ARID3B: variants seen among roughly 807,000 people sequenced by gnomAD.
ARID3B encodes the protein AT-rich interaction domain 3B, also known as AT-rich interactive domain-containing protein 3B.
ARID3B carries 10 observed loss-of-function variants against 51.9 expected under a neutral mutation model. The observed-to-expected ratio is 0.19, with a 90% CI of 0.12 to 0.33. The LOEUF (loss-of-function observed/expected upper bound fraction) is 0.33. Among genes scored for constraint, ARID3B ranks in the 10% least tolerant of loss-of-function variants. The pLI is 1.00. For missense variants in ARID3B, 483 were observed against 716.3 expected, an observed-to-expected ratio of 0.67 and a Z score of 3.72; for synonymous variants, 205 against 279.5, an observed-to-expected ratio of 0.73 and a Z score of 2.66.
chr15:74,585,361 G>A (rs2061776919), intron 4 of ARID3B, among the ~76,000 whole-genome samples: 2 of 152,318 alleles, frequency 1.3e-5, no homozygotes, highest in East Asian at 1.9e-4. Context: ...GCTCCCTCCC[G>A]CAAAGACTGG....
chr15:74,594,333 A>G (rs1315153932), intron 8 of ARID3B, among the ~76,000 whole-genome samples: 1 of 152,150 alleles, frequency 6.6e-6, no homozygotes, highest in Admixed American at 6.5e-5. Flanking sequence ...CTGTAGTCCC[A>G]GCTACTCGGG....
At chr15:74,590,375 G>A (rs1008220268) in intron 5 of ARID3B, among the ~76,000 whole-genome samples, 2 of 152,198 alleles carry the variant, frequency 1.3e-5, no homozygotes, top group Admixed American at 6.5e-5. Flanking sequence ...CTGTCTCTAA[G>A]ACCTGTGCCC....
chr15:74,572,220 A>G (rs1015407115), intron 2 of ARID3B, among the ~76,000 whole-genome samples: 2 of 152,244 alleles, frequency 1.3e-5, no homozygotes, highest in Non-Finnish European at 2.9e-5. Context: ...CAACCCAATC[A>G]ATTAAGTTGG....
At chr15:74,559,918 G>A (rs952422354) in intron 2 of ARID3B, among the ~76,000 whole-genome samples, 1 of 150,964 alleles carries the variant, frequency 6.6e-6, no homozygotes, top group Non-Finnish European at 1.5e-5. Flanking sequence ...TACAGGCTGG[G>A]TGCCGTGGCT....
chr15:74,543,549 A>C (rs1413420653), intron 1 of ARID3B, among the ~76,000 whole-genome samples: 1 of 152,168 alleles, frequency 6.6e-6, no homozygotes, highest in Non-Finnish European at 1.5e-5. Context: ...ATGTTTGATA[A>C]TGTAGAGGAA....
chr15:74,560,035 A>AAAAAAAAAAAAAAAAAAAAAAC (rs2061673825), intron 2 of ARID3B, among the ~76,000 whole-genome samples: 1 of 142,014 alleles, frequency 7.0e-6, no homozygotes, highest in African/African-American at 2.6e-5. Flanking sequence ...CTCTACTAAA[A>AAAAAAAAAAAAAAAAAAAAAAC]AAAAAACCAC....
intron 2 of ARID3B, among the ~76,000 whole-genome samples, chr15:74,559,980 G>C (rs2061673147): frequency 7.7e-6 from 1 of 129,322 alleles, no homozygotes; most frequent in Non-Finnish European, 1.6e-5. Context: ...GATCGCTTGA[G>C]CCCAGGAGTT....
chr15:74,591,407 A>G lies in ARID3B; in HGVS notation c.1138A>G (p.Ile380Val). 4 of 1,607,518 alleles carry G rather than the reference A, an allele frequency of 2.5e-6. No individual in the cohort carries two copies. The highest frequency in any genetic ancestry group is 3.4e-6 in the Non-Finnish European group (4 of 1,174,484). Residue 380 changes from isoleucine (I) to valine (V), a missense_variant, in exon 6 of 9, where the codon ATA (isoleucine) becomes GTA (valine). By Grantham distance (29) the Ile-to-Val change is conservative (BLOSUM62 3). Transcript: ENST00000346246. This position sits in a 1 kb window ranked among gnomAD's most constrained non-coding sequence, Gnocchi z 5.8. ...SSGTNTSSPRISPATTLRKGD... is the reference protein window; with the variant it reads ...SSGTNTSSPRVSPATTLRKGD... ...TGGTACCAATACCAGTAGCCCTCGG[A>G]TATCCCCAGCAACCACTCTCAGGAA... is the stretch of plus-strand genomic sequence containing the variant.
In ARID3B at chr15:74,591,326, G is replaced by A. The variant is rs760132413; in HGVS notation, c.1057G>A (p.Ala353Thr). Reference protein sequence around the residue: ...ATAAAAAGAPALLSPPKIRFP... With the variant: ...ATAAAAAGAPTLLSPPKIRFP... The stretch of plus-strand genomic sequence containing the variant: ...TGCTGCTGCCGCTGCCGGGGCCCCT[G>A]CCCTTCTCTCCCCACCCAAGATCCG... The change falls in exon 6 of 9, where the codon GCC becomes ACC. Residue 353 changes from alanine (A) to threonine (T), a missense_variant. This residue lies in a region of ARID3B where 265 missense variants were observed against 354.4 expected (regional missense o/e 0.75). Transcript: ENST00000346246. The surrounding 1 kb of genome is among the most constrained non-coding windows in gnomAD (Gnocchi z 5.8). The A allele has an allele frequency of 1.7e-5, 27 of 1,613,948 alleles. No individual in the cohort carries two copies. The South Asian group carries it at 2.6e-4, about 16-fold the overall frequency.
At chr15:74,587,242 G>T (rs895457552) in intron 4 of ARID3B, among the ~76,000 whole-genome samples, 3 of 152,228 alleles carry the variant, frequency 2.0e-5, no homozygotes, top group Non-Finnish European at 4.4e-5. Context: ...AGAGGCTGCT[G>T]CAGGCATCTA....
At chr15:74,557,821 T>A (rs2061664410) in intron 2 of ARID3B, among the ~76,000 whole-genome samples, 2 of 144,322 alleles carry the variant, frequency 1.4e-5, no homozygotes, top group Admixed American at 6.9e-5. Flanking sequence ...GACTTACTTT[T>A]TTTTTTTTTT....
chr15:74,545,824 A>C (rs951107805), intron 2 of ARID3B, among the ~76,000 whole-genome samples: 2 of 152,190 alleles, frequency 1.3e-5, no homozygotes, highest in African/African-American at 4.8e-5. Flanking sequence ...GTGGGATTCA[A>C]ATCCCATCAC....
At position 74,589,812 on chromosome 15, in the gene ARID3B, A is replaced by T. The variant is rs749193301; in HGVS notation, c.698-8A>T. The T allele has an allele frequency of 6.8e-5, 109 of 1,598,456 alleles. 1 individual carries two copies. Among genetic ancestry groups the T allele is most frequent in the Non-Finnish European group, 9.1e-5 (107 of 1,170,232 alleles). ...CCGCTGTCTCTTTCTCTCGTTGGAC[A>T]ACCACAGGGACCCCCATCAACCGAA... On this transcript the variant is annotated splice_polypyrimidine_tract_variant and splice_region_variant and intron_variant, in intron 4 of 8. Coordinates refer to ENST00000346246, the MANE Select transcript of ARID3B (RefSeq NM_006465.4).
At chr15:74,543,743 A>G (rs2061602975) in intron 1 of ARID3B, 117 bp from the exon 2 acceptor site, 3 of 643,802 alleles carry the variant, frequency 4.7e-6, no homozygotes, top group African/African-American at 1.8e-5. Flanking sequence ...GTTTAGGAGC[A>G]TATGTTTAGC....
intron 8 of ARID3B, among the ~76,000 whole-genome samples, chr15:74,594,192 T>C (rs1363717915): frequency 1.3e-5 from 2 of 152,324 alleles, no homozygotes; most frequent in African/African-American, 2.4e-5. Flanking sequence ...CTCACGCCTG[T>C]AATCCCAGCA....
At chr15:74,547,484 G>A (rs1317363540) in intron 2 of ARID3B, among the ~76,000 whole-genome samples, 1 of 152,110 alleles carries the variant, frequency 6.6e-6, no homozygotes, top group Non-Finnish European at 1.5e-5. Flanking sequence ...CGCCTACCCT[G>A]ACACAGATCT....
At chr15:74,589,764 T>A in intron 4 of ARID3B, 56 bp from the exon 5 acceptor site, 1 of 1,530,686 alleles carries the variant, frequency 6.5e-7, no homozygotes, top group South Asian at 1.2e-5. Flanking sequence ...CACGGAATCT[T>A]TCTTCTCAGC....
At chr15:74,577,812 C>T (rs1019886737) in intron 4 of ARID3B, among the ~76,000 whole-genome samples, 1 of 152,122 alleles carries the variant, frequency 6.6e-6, no homozygotes. Flanking sequence ...GGATTACAGG[C>T]ATGAACCACC....
At chr15:74,589,758 G>A (rs989087928) in intron 4 of ARID3B, 62 bp from the exon 5 acceptor site, 2 of 1,512,916 alleles carry the variant, frequency 1.3e-6, no homozygotes, top group Admixed American at 3.9e-5. Context: ...GGCATACACG[G>A]AATCTTTCTT....
Sources: allele counts gnomAD v4.1 joint callset (sites outside exome capture counted in the v4.1 genomes callset), GRCh38; gene constraint gnomAD v4.1.1; regional missense constraint gnomAD v4.1.1; non-coding constraint Gnocchi (gnomAD v3.1); transcripts MANE v1.5; gene names NCBI Gene and HGNC (gene_info 2026-07-23, HGNC 2026-07-21).